Variants in ZNF713 observed in about 807,000 individuals in gnomAD.
ZNF713 encodes zinc finger protein 713.
A neutral mutation model predicts 28.7 loss-of-function variants in ZNF713; 21 were observed. That is an observed-to-expected ratio of 0.73 (90% CI 0.52 to 1.05). The LOEUF (loss-of-function observed/expected upper bound fraction) is 1.05, where lower values mean the gene tolerates loss of function less well. ZNF713 is among the 50% of genes least tolerant of loss of function. ZNF713 has a pLI of 0.00. For synonymous variants in ZNF713, 167 were observed against 178.0 expected (o/e 0.94, Z 0.49); for missense variants, 458 against 532.4 (o/e 0.86, Z 1.37).
At chr7:55,896,225 C>G (rs1056779996) in intron 1 of ZNF713, among the ~76,000 whole-genome samples, 2 of 152,018 alleles carry the variant, frequency 1.3e-5, no homozygotes, top group Admixed American at 1.3e-4. Flanking sequence ...TTGGACCTAA[C>G]TACATTACAA....
At chr7:55,887,735 CGGG>C (rs1216696411) in intron 1 of ZNF713, 55 bp downstream of exon 1, 1 of 2,634 alleles carries the variant, frequency 3.8e-4, no homozygotes, top group East Asian at 0.01. Context: ...GGGGCGGAGG[CGGG>C]GGGCGGAGGC....
intron 6 of ZNF713, among the ~76,000 whole-genome samples, chr7:55,927,091 A>G (rs1376792596): frequency 6.6e-6 from 1 of 151,340 alleles, no homozygotes; most frequent in Non-Finnish European, 1.5e-5. Flanking sequence ...GCAGTGAGCC[A>G]AGACTGCACC....
chr7:55,899,628 C>T (rs1785537709), intron 1 of ZNF713, among the ~76,000 whole-genome samples: 1 of 150,758 alleles, frequency 6.6e-6, no homozygotes, highest in Non-Finnish European at 1.5e-5. Context: ...GCTGAGATGG[C>T]ACCACTGCAC....
At chr7:55,894,262 GC>G (rs1415582909) in intron 1 of ZNF713, among the ~76,000 whole-genome samples, 1 of 152,196 alleles carries the variant, frequency 6.6e-6, no homozygotes, top group African/African-American at 2.4e-5. Context: ...AAGGAGGCAG[GC>G]CAGGGTACCT....
At chr7:55,905,719 A>G (rs1785666026) in intron 1 of ZNF713, among the ~76,000 whole-genome samples, 1 of 152,116 alleles carries the variant, frequency 6.6e-6, no homozygotes. Flanking sequence ...TTTATGATAC[A>G]AAGAATAATG....
rs1034317251 is a variant in ZNF713 at position 55,895,618 on chromosome 7, G to A, written c.-583+7938G>A. On this transcript the variant is annotated intron_variant, in intron 1 of 6. Transcript: ENST00000429591. ...CGAGTAGCTGGGATTACAGGCACGC[G>A]CCACCATGCCTGGCTAATTTTGTAT... is the stretch of plus-strand genomic sequence containing the variant. Among the ~76,000 whole-genome samples, 4 of 151,584 alleles carry A rather than the reference G, an allele frequency of 2.6e-5. 1 individual carries two copies. In the South Asian group the frequency reaches 6.3e-4, roughly 24 times the overall value.
At chr7:55,914,395 A>G (rs934101081) in intron 4 of ZNF713, among the ~76,000 whole-genome samples, 2 of 152,042 alleles carry the variant, frequency 1.3e-5, no homozygotes, top group Non-Finnish European at 2.9e-5. Context: ...AGGTTTCACT[A>G]TGTTGCCCAA....
intron 6 of ZNF713, among the ~76,000 whole-genome samples, chr7:55,938,692 G>T (rs552853706): frequency 2.0e-5 from 3 of 152,270 alleles, no homozygotes; most frequent in Non-Finnish European, 4.4e-5. Context: ...TCCCTGATAT[G>T]TCTTATTCTC....
intron 6 of ZNF713, among the ~76,000 whole-genome samples, chr7:55,926,155 C>T (rs951880292): frequency 6.6e-6 from 1 of 151,998 alleles, no homozygotes; most frequent in Non-Finnish European, 1.5e-5. Context: ...ACTAAAAATA[C>T]AAAAATTAGC....
intron 2 of ZNF713, among the ~76,000 whole-genome samples, chr7:55,909,196 C>CAAA (rs71015121): frequency 2.8e-4 from 15 of 53,320 alleles, no homozygotes; most frequent in South Asian, 6.5e-4. Context: ...AAGACTCCGT[C>CAAA]AAAAAAAAAA....
At chr7:55,914,845 GTTTATTTTAT>G (rs548355018) in intron 4 of ZNF713, among the ~76,000 whole-genome samples, 4 of 139,912 alleles carry the variant, frequency 2.9e-5, no homozygotes, top group Non-Finnish European at 4.9e-5. Flanking sequence ...GATTCATTTG[GTTTATTTTAT>G]TTTATTTTAT....
Position 55,940,000 on chromosome 7 carries a change from C to A in ZNF713, c.1326C>A (p.Ser442Arg). The change falls in exon 7 of 7, where the codon AGC (serine) becomes AGA (arginine). Residue 442 changes from serine (S) to arginine (R), a missense_variant. Transcript: ENST00000429591. ...QTVRHSPSFS[S>R]T ...TTCGCCACAGTCCTTCATTTAGCAG[C>A]ACATAACTTATGGTGGGGGAAATCA... is the stretch of plus-strand genomic sequence containing the variant. 1.3e-6 allele frequency: 2 copies of A among 1,567,116 alleles called. No homozygotes were observed. Among genetic ancestry groups the A allele is most frequent in the South Asian group, 1.2e-5 (1 of 83,340 alleles).
At chr7:55,910,019 GTA>G (rs531852841) in intron 2 of ZNF713, among the ~76,000 whole-genome samples, 40 of 150,510 alleles carry the variant, frequency 2.7e-4, no homozygotes, top group African/African-American at 7.8e-4. Context: ...GTGTGTGTGT[GTA>G]TATATATATA....
chr7:55,922,082 T>A (rs34351826), intron 4 of ZNF713, among the ~76,000 whole-genome samples: 67,224 of 151,814 alleles, frequency 0.44, 15,219 homozygotes, highest in East Asian at 0.58. Flanking sequence ...CGTGCCACCA[T>A]GCCTGGCTAT....
intron 4 of ZNF713, among the ~76,000 whole-genome samples, chr7:55,922,263 G>T (rs1307757049): frequency 2.0e-5 from 3 of 152,092 alleles, no homozygotes; most frequent in African/African-American, 7.2e-5. Context: ...GCCTTGGCCG[G>T]GCACAGTGGC....
intron 6 of ZNF713, among the ~76,000 whole-genome samples, chr7:55,935,671 C>T (rs542123819): frequency 3.3e-5 from 5 of 152,010 alleles, no homozygotes; most frequent in African/African-American, 1.2e-4. Flanking sequence ...AAAGATCTAA[C>T]GGCCAGGCGC....
intron 6 of ZNF713, among the ~76,000 whole-genome samples, chr7:55,931,864 C>G (rs1342856697): frequency 6.6e-6 from 1 of 152,166 alleles, no homozygotes; most frequent in Non-Finnish European, 1.5e-5. Flanking sequence ...CTCCAGACTC[C>G]TGTGTAGTAG....
intron 1 of ZNF713, among the ~76,000 whole-genome samples, chr7:55,902,850 G>A (rs936967460): frequency 4.6e-5 from 7 of 151,896 alleles, no homozygotes; most frequent in Non-Finnish European, 1.0e-4. Context: ...ACCAGTAGCC[G>A]GATATGGTGG....
intron 1 of ZNF713, among the ~76,000 whole-genome samples, chr7:55,900,666 A>G (rs986380969): frequency 1.3e-5 from 2 of 152,162 alleles, no homozygotes; most frequent in South Asian, 4.1e-4. Flanking sequence ...TAGAGAGTAG[A>G]ATGGTTGTTA....
Sources: allele counts gnomAD v4.1 joint callset (sites outside exome capture counted in the v4.1 genomes callset), GRCh38; gene constraint gnomAD v4.1.1; transcripts MANE v1.5; gene names NCBI Gene and HGNC (gene_info 2026-07-23, HGNC 2026-07-21).